Variants in MED12L observed in about 807,000 individuals in gnomAD.
MED12L encodes mediator complex subunit 12L.
In MED12L, 60 loss-of-function variants were observed where a neutral mutation model predicts 281.3. The ratio of observed to expected loss-of-function variants is 0.21; its 90% CI spans 0.17 to 0.26. The LOEUF is 0.26. MED12L is among the 10% of genes least tolerant of loss of function. MED12L has a pLI of 1.00. For missense variants in MED12L, 2,146 were observed against 2,680.9 expected, an observed-to-expected ratio of 0.80 and a Z score of 4.41; for synonymous variants, 974 against 987.2, an observed-to-expected ratio of 0.99 and a Z score of 0.25.
chr3:151,183,720 A>G (rs997064112), intron 11 of MED12L, among the ~76,000 whole-genome samples: 4 of 152,250 alleles, frequency 2.6e-5, no homozygotes, highest in African/African-American at 4.8e-5. Context: ...TCACATAGAT[A>G]TTAAATCTCA....
At chr3:151,247,446 G>A (rs2149425566) in intron 16 of MED12L, among the ~76,000 whole-genome samples, 1 of 151,956 alleles carries the variant, frequency 6.6e-6, no homozygotes, top group African/African-American at 2.4e-5. Flanking sequence ...AAAATGATGA[G>A]TTCATGTCCT....
chr3:151,326,713 G>A (rs1213073564), intron 16 of MED12L: 3 of 152,212 alleles, frequency 2.0e-5, no homozygotes, highest in Non-Finnish European at 4.4e-5. Flanking sequence ...AAGTTCTAGG[G>A]CCTTTGAGGC....
At position 151,346,290 on chromosome 3, in the gene MED12L, A is replaced by G. The variant is rs113955226; in HGVS notation, c.2251-3769A>G. On this transcript the variant is annotated intron_variant, in intron 16 of 44. Coordinates refer to ENST00000687756, the MANE Select transcript of MED12L (RefSeq NM_001393769.1). ...TTTATCATCAGTTATCTGTTCCCCA[A>G]TCTTGATTTCTACTATGGAAATTTG... Among the ~76,000 whole-genome samples, 25 of 152,164 alleles carry G rather than the reference A, an allele frequency of 1.6e-4. 1 individual carries two copies. Among genetic ancestry groups the G allele is most frequent in the African/African-American group, 5.3e-4 (22 of 41,514 alleles).
intron 16 of MED12L, among the ~76,000 whole-genome samples, chr3:151,277,952 C>T (rs1439359741): frequency 2.0e-5 from 3 of 152,176 alleles, no homozygotes; most frequent in Admixed American, 6.5e-5. Context: ...AATTTTAATA[C>T]ACATTTACGA....
At chr3:151,393,508 C>T (rs941018170) in intron 38 of MED12L, among the ~76,000 whole-genome samples, 1 of 150,656 alleles carries the variant, frequency 6.6e-6, no homozygotes, top group Admixed American at 6.6e-5. Flanking sequence ...CCCCCACAAC[C>T]CCCCCTCCCA....
chr3:151,413,930 A>G (rs1172740406), intron 42 of MED12L, among the ~76,000 whole-genome samples: 1 of 150,320 alleles, frequency 6.7e-6, no homozygotes, highest in African/African-American at 2.5e-5. Context: ...AGGCTGGACA[A>G]CCTCCACCTC....
At chr3:151,361,459 A>G (rs1343702179) in intron 21 of MED12L, among the ~76,000 whole-genome samples, 1 of 152,160 alleles carries the variant, frequency 6.6e-6, no homozygotes, top group Non-Finnish European at 1.5e-5. Context: ...TAATCATAAA[A>G]AGGTACTGTA....
intron 16 of MED12L, among the ~76,000 whole-genome samples, chr3:151,331,117 C>T (rs1182865937): frequency 6.6e-6 from 1 of 152,198 alleles, no homozygotes; most frequent in Admixed American, 6.5e-5. Context: ...AACTGACTTA[C>T]AGTGCCTGTT....
chr3:151,263,850 T>C (rs1413161497), intron 16 of MED12L, among the ~76,000 whole-genome samples: 2 of 152,196 alleles, frequency 1.3e-5, no homozygotes, highest in African/African-American at 4.8e-5. Flanking sequence ...CCCATAGGGT[T>C]GTGGTAAGAG....
chr3:151,199,655 G>T (rs929883433), intron 16 of MED12L, among the ~76,000 whole-genome samples: 1 of 151,542 alleles, frequency 6.6e-6, no homozygotes, highest in Non-Finnish European at 1.5e-5. Context: ...TCCCATGCAG[G>T]TTTGCTTTTG....
At chr3:151,116,186 A>C (rs1712781995) in intron 2 of MED12L, 152 bp from the exon 3 acceptor site, 1 of 572,752 alleles carries the variant, frequency 1.7e-6, no homozygotes, top group African/African-American at 1.9e-5. Flanking sequence ...ATTGGTGTTT[A>C]AACTTCAATT....
At chr3:151,309,031 T>G (rs1043992183) in intron 16 of MED12L, among the ~76,000 whole-genome samples, 38 of 152,170 alleles carry the variant, frequency 2.5e-4, no homozygotes, top group African/African-American at 8.7e-4. Flanking sequence ...CATTTTTCTC[T>G]TCTCATGAAT....
chr3:151,369,015 C>T (rs976944876), intron 25 of MED12L, among the ~76,000 whole-genome samples: 14 of 152,122 alleles, frequency 9.2e-5, no homozygotes, highest in Non-Finnish European at 2.9e-5. Flanking sequence ...CCTGCCTCGG[C>T]CTCCCAAAGT....
Position 151,434,946 on chromosome 3 carries a change from C to T in MED12L, c.*2142C>T, listed in dbSNP as rs986845215. On this transcript the variant is annotated 3_prime_UTR_variant, in exon 45 of 45. Transcript: ENST00000687756. Reference sequence around the variant, plus strand: ...TATGCTACGACTCTAATTAATTCCACGATTCTATTGAAAGTTGAGGAATGC... The same window carrying T: ...TATGCTACGACTCTAATTAATTCCATGATTCTATTGAAAGTTGAGGAATGC... The T allele has an allele frequency of 3.9e-5, 6 of 151,906 alleles. No homozygotes were observed. The highest frequency in any genetic ancestry group is 1.9e-4 in the East Asian group (1 of 5,190). The allele number at this position is 151,906 out of a possible 1,614,324, so 9.4% of individuals were successfully genotyped here. A position where few individuals can be genotyped will look rare whatever the true frequency, so the allele number is the denominator to read the frequency against.
intron 16 of MED12L, among the ~76,000 whole-genome samples, chr3:151,321,538 G>A (rs1748999933): frequency 6.6e-6 from 1 of 152,026 alleles, no homozygotes; most frequent in Admixed American, 6.6e-5. Flanking sequence ...AGCTATGAAA[G>A]CCTTCAGAAA....
At chr3:151,404,397 G>A (rs1277409638) in intron 39 of MED12L, among the ~76,000 whole-genome samples, 7 of 152,144 alleles carry the variant, frequency 4.6e-5, no homozygotes, top group African/African-American at 4.8e-5. Context: ...CAACCAAGTC[G>A]TATTTGAGGT....
At chr3:151,404,632 G>A (rs893838673) in intron 39 of MED12L, among the ~76,000 whole-genome samples, 16 of 152,140 alleles carry the variant, frequency 1.1e-4, no homozygotes, top group African/African-American at 3.9e-4. Context: ...TTACCCACTG[G>A]TTTTTGTTAT....
intron 20 of MED12L, among the ~76,000 whole-genome samples, chr3:151,359,649 G>C (rs1390530929): frequency 6.6e-6 from 1 of 152,112 alleles, no homozygotes; most frequent in Non-Finnish European, 1.5e-5. Context: ...CTGCCTCTCA[G>C]AGCCTCCTTT....
intron 19 of MED12L, among the ~76,000 whole-genome samples, chr3:151,356,416 T>A (rs1007840254): frequency 3.9e-5 from 6 of 151,988 alleles, no homozygotes; most frequent in East Asian, 1.9e-4. Flanking sequence ...AAATAAAATT[T>A]AAAAAATAAA....
Sources: allele counts gnomAD v4.1 joint callset (sites outside exome capture counted in the v4.1 genomes callset), GRCh38; gene constraint gnomAD v4.1.1; transcripts MANE v1.5; gene names NCBI Gene and HGNC (gene_info 2026-07-23, HGNC 2026-07-21).